The following ATP2B2 variants were observed in gnomAD, a reference collection of about 807,000 sequenced individuals.
ATP2B2 encodes ATPase plasma membrane Ca2+ transporting 2.
A neutral mutation model predicts 120.0 loss-of-function variants in ATP2B2; 15 were observed. The ratio of observed to expected loss-of-function variants is 0.12; its 90% confidence interval spans 0.08 to 0.19. The LOEUF (loss-of-function observed/expected upper bound fraction) is 0.19. Among genes scored for constraint, ATP2B2 ranks in the 10% least tolerant of loss-of-function variants. The probability of loss-of-function intolerance (pLI) is 1.00; values close to 1 mark genes in which losing one functional copy is unlikely to be tolerated. For missense variants in ATP2B2, 1,045 were observed against 1,719.8 expected (o/e 0.61, Z 6.94); for synonymous variants, 694 against 700.3 (o/e 0.99, Z 0.14).
intron 2 of ATP2B2, among the ~76,000 whole-genome samples, chr3:10,437,488 C>T (rs1281461217): frequency 6.6e-6 from 1 of 152,230 alleles, no homozygotes; most frequent in East Asian, 1.9e-4. Flanking sequence ...ATGTCTGCCT[C>T]TTAACTCTCT....
intron 1 of ATP2B2, among the ~76,000 whole-genome samples, chr3:10,454,078 T>C (rs916710630): frequency 2.0e-5 from 3 of 149,090 alleles, no homozygotes; most frequent in African/African-American, 7.3e-5. Context: ...CATCCAACCA[T>C]CCATTCAATG....
intron 2 of ATP2B2, among the ~76,000 whole-genome samples, chr3:10,542,715 T>C (rs2067465873): frequency 6.6e-6 from 1 of 152,220 alleles, no homozygotes; most frequent in Non-Finnish European, 1.5e-5. Flanking sequence ...TCATTCAAAA[T>C]TTTTACGCCC....
intron 2 of ATP2B2, among the ~76,000 whole-genome samples, chr3:10,433,477 A>G (rs1223289673): frequency 6.6e-6 from 1 of 152,162 alleles, no homozygotes; most frequent in Non-Finnish European, 1.5e-5. Context: ...TGGGAATGTT[A>G]GGATACCCAA....
upstream of ATP2B2, among the ~76,000 whole-genome samples, chr3:10,506,764 G>A (rs929014740): frequency 3.9e-5 from 6 of 152,144 alleles, no homozygotes; most frequent in African/African-American, 9.7e-5. Context: ...GGCTGGAGGC[G>A]GCCCCGGGAG....
chr3:10,353,285 C>G (rs2060627399), intron 14 of ATP2B2, among the ~76,000 whole-genome samples: 1 of 152,152 alleles, frequency 6.6e-6, no homozygotes, highest in Non-Finnish European at 1.5e-5. Context: ...GCACAGAGGG[C>G]ACTGTTGCTT....
chr3:10,559,553 TAGAC>T (rs1336627533), intron 2 of ATP2B2, among the ~76,000 whole-genome samples: 1 of 152,056 alleles, frequency 6.6e-6, no homozygotes, highest in Non-Finnish European at 1.5e-5. Context: ...ACTAGTGAAT[TAGAC>T]AGGGAAGTCT....
In ATP2B2 at chr3:10,378,416, G is replaced by C. The variant is rs111358898; in HGVS notation, c.1043-6C>G. 1.6e-5 allele frequency: 25 copies of C among 1,599,880 alleles called. No individual in the cohort carries two copies. The highest frequency in any genetic ancestry group is 3.3e-4 in the Middle Eastern group (2 of 6,082). ...TGCCCCGTCCTGTTGTTTGGCTGCAGGGGGCAGATCACGCACGTGCATACA... is the reference window on the plus strand; with the variant it reads ...TGCCCCGTCCTGTTGTTTGGCTGCACGGGGCAGATCACGCACGTGCATACA... On this transcript the variant is annotated splice_region_variant and splice_polypyrimidine_tract_variant and intron_variant, in intron 9 of 22. Transcript: ENST00000360273.
chr3:10,412,839 G>A (rs1207486176), intron 2 of ATP2B2, among the ~76,000 whole-genome samples: 2 of 152,086 alleles, frequency 1.3e-5, no homozygotes, highest in Non-Finnish European at 2.9e-5. Flanking sequence ...GCAAAAATGG[G>A]CCCCGCAGCG....
rs150627212 is a variant in ATP2B2, at chr3:10,552,946, C to T, written c.-414-18813G>A. 5.3e-4 allele frequency among the ~76,000 whole-genome samples: 80 copies of T among 152,334 alleles called. No individual in the cohort carries two copies. In the East Asian group the frequency reaches 0.012, roughly 22 times the overall value. On this transcript the variant is annotated intron_variant, in intron 2 of 21. Coordinates refer to the ATP2B2 transcript ENST00000646379. Reference sequence around the variant, plus strand: ...AACAGTTCTATGAAGTGGGAGCTAACATCTCCATTTCGAAGGCAAGGAGGC... The same window carrying T: ...AACAGTTCTATGAAGTGGGAGCTAATATCTCCATTTCGAAGGCAAGGAGGC...
chr3:10,605,128 C>A (rs962815619), intron 2 of ATP2B2, among the ~76,000 whole-genome samples: 1 of 152,202 alleles, frequency 6.6e-6, no homozygotes, highest in African/African-American at 2.4e-5. Context: ...AGAGTATGAG[C>A]CCACTCCACA....
chr3:10,387,516 C>G (rs1398285390), intron 6 of ATP2B2, among the ~76,000 whole-genome samples: 1 of 152,190 alleles, frequency 6.6e-6, no homozygotes, highest in Non-Finnish European at 1.5e-5. Flanking sequence ...GAAAGGGGGG[C>G]TATCTTTGAG....
At chr3:10,707,335 G>A (rs144652573) in intron 1 of ATP2B2, among the ~76,000 whole-genome samples, 1 of 152,324 alleles carries the variant, frequency 6.6e-6, no homozygotes, top group East Asian at 1.9e-4. Flanking sequence ...GGCTGGAGAT[G>A]CGGAGAGCAC....
chr3:10,707,307 G>C (rs1033470499), intron 1 of ATP2B2, among the ~76,000 whole-genome samples: 6 of 152,208 alleles, frequency 3.9e-5, no homozygotes, highest in Admixed American at 3.9e-4. Flanking sequence ...CAGGAGGAGG[G>C]GAGCTAGGAA....
chr3:10,618,717 T>A (rs6442185), intron 2 of ATP2B2, among the ~76,000 whole-genome samples: 119,010 of 152,008 alleles, frequency 0.78, 47,322 homozygotes, highest in Middle Eastern at 0.88. Flanking sequence ...TACAACACAC[T>A]TGTATGCCCA....
rs144604142 is a variant in ATP2B2, at chr3:10,543,740, A to ATT, written c.-414-9609_-414-9608dup. On this transcript the variant is annotated intron_variant, in intron 2 of 21. Transcript: ENST00000646379. ...CAACACTCTTTGAGTGTTCTTCATA[A>ATT]TTTTTTTTTTTTTTTTGAGACAGAG... is the stretch of plus-strand genomic sequence containing the variant. Among the ~76,000 whole-genome samples the ATT allele has an allele frequency of 2.0e-3, 281 of 141,566 alleles. 1 individual carries two copies. The highest frequency in any genetic ancestry group is 7.4e-3 in the Middle Eastern group (2 of 272). The allele number at this position is 141,566 out of a possible 152,430, so 92.9% of individuals were successfully genotyped here.
intron 12 of ATP2B2, among the ~76,000 whole-genome samples, chr3:10,365,999 C>T (rs1341134292): frequency 2.0e-5 from 3 of 152,026 alleles, no homozygotes; most frequent in African/African-American, 7.3e-5. Context: ...AAAAGCAAAA[C>T]CCTTGTTGAA....
chr3:10,445,854 C>T lies in ATP2B2; in HGVS notation c.199+3491G>A, dbSNP rs141017413. On this transcript the variant is annotated intron_variant, in intron 2 of 22. Coordinates refer to ENST00000360273, the MANE Select transcript of ATP2B2 (RefSeq NM_001001331.4). ...TCTGGAGCTGGCACAGCCCAGACCA[C>T]GGAGCTTTTAAACTGGGGCTGGGGC... Among the ~76,000 whole-genome samples the T allele has an allele frequency of 1.6e-3, 239 of 152,242 alleles. 2 individuals are homozygous for T. The highest frequency in any genetic ancestry group is 5.4e-3 in the African/African-American group (226 of 41,532).
At chr3:10,379,105 C>T in intron 9 of ATP2B2, 138 bp downstream of exon 9, 1 of 1,047,898 alleles carries the variant, frequency 9.5e-7, no homozygotes, top group Non-Finnish European at 1.5e-6. Flanking sequence ...ACAGCTACAC[C>T]CCCAAGGTCG....
intron 2 of ATP2B2, among the ~76,000 whole-genome samples, chr3:10,544,131 A>G (rs1016059097): frequency 6.6e-6 from 1 of 152,144 alleles, no homozygotes; most frequent in Non-Finnish European, 1.5e-5. Flanking sequence ...ACCTCAGTCA[A>G]TCAAATATGA....
Sources: allele counts gnomAD v4.1 joint callset (sites outside exome capture counted in the v4.1 genomes callset), GRCh38; gene constraint gnomAD v4.1.1; transcripts MANE v1.5; gene names NCBI Gene and HGNC (gene_info 2026-07-23, HGNC 2026-07-21).